Variants in ENOX2 observed in about 807,000 individuals in gnomAD.
ENOX2 encodes ecto-NOX disulfide-thiol exchanger 2, also known as APK1 antigen.
Under a neutral mutation model 45.0 loss-of-function variants are expected in ENOX2, and 36 were observed. The ratio of observed to expected loss-of-function variants is 0.80; its 90% confidence interval spans 0.61 to 1.06. The LOEUF is 1.06. Among genes scored for constraint, ENOX2 ranks in the 50% least tolerant of loss-of-function variants. The pLI is 0.00. For missense variants in ENOX2, 423 were observed against 462.5 expected (o/e 0.91, Z 0.78); for synonymous variants, 174 against 152.3 (o/e 1.14, Z -1.05).
At chrX:130,803,576 G>A (rs2077254994) in intron 2 of ENOX2, among the ~76,000 whole-genome samples, 1 of 112,059 alleles carries the variant, frequency 8.9e-6, no homozygotes, top group African/African-American at 3.2e-5. Context: ...ATTAGTGTTG[G>A]AGCAAGAAAA....
intron 4 of ENOX2, among the ~76,000 whole-genome samples, chrX:130,690,093 G>C (rs1398484920): frequency 9.0e-6 from 1 of 111,212 alleles, no homozygotes; most frequent in Admixed American, 9.6e-5. Context: ...GGGAGAAATG[G>C]GGACTCAGGT....
chrX:130,814,409 C>T (rs779339245), intron 2 of ENOX2, among the ~76,000 whole-genome samples: 1 of 112,288 alleles, frequency 8.9e-6, no homozygotes, highest in Non-Finnish European at 1.9e-5. Flanking sequence ...AGACAGACTG[C>T]CTCCTCAAGT....
At chrX:130,888,124 T>C (rs1006442395) in intron 2 of ENOX2, among the ~76,000 whole-genome samples, 3 of 111,868 alleles carry the variant, frequency 2.7e-5, no homozygotes, top group Non-Finnish European at 5.6e-5. Flanking sequence ...ACAACTTTTG[T>C]CCATATATTT....
At chrX:130,744,346 A>T (rs1195612926) in intron 3 of ENOX2, among the ~76,000 whole-genome samples, 1 of 112,142 alleles carries the variant, frequency 8.9e-6, no homozygotes, top group Non-Finnish European at 1.9e-5. Flanking sequence ...CAAAGATAGC[A>T]TTTTGAACTC....
intron 3 of ENOX2, among the ~76,000 whole-genome samples, chrX:130,769,409 G>A (rs1382051551): frequency 2.7e-5 from 3 of 111,790 alleles, no homozygotes; most frequent in Non-Finnish European, 5.6e-5. Flanking sequence ...TGCCCACATT[G>A]GCTTTTCCTG....
chrX:130,670,184 G>A lies in ENOX2; in HGVS notation c.475C>T (p.Leu159=). ...ALYLSGYRIR[L]GSSTDKKDTG... ...TCCTTCTTGTCAGTACTAGAGCCCA[G>A]GCGAATGCGGTAACCTAAGTCCACA... is the stretch of plus-strand genomic sequence containing the variant. Residue 159 remains leucine (L), a synonymous_variant, in exon 7 of 15, where the codon CTG becomes TTG. Transcript: ENST00000394363. 8.3e-7 allele frequency: 1 copy of A among 1,205,690 alleles called. No homozygotes were observed. The highest frequency in any genetic ancestry group is 1.8e-5 in the South Asian group (1 of 56,578).
intron 3 of ENOX2, among the ~76,000 whole-genome samples, chrX:130,755,475 G>C (rs1281934408): frequency 9.0e-6 from 1 of 111,383 alleles, no homozygotes; most frequent in Non-Finnish European, 1.9e-5. Flanking sequence ...TGCTCTCTGG[G>C]AAGTTTCCTT....
intron 3 of ENOX2, among the ~76,000 whole-genome samples, chrX:130,711,658 G>T (rs1603315739): frequency 9.0e-6 from 1 of 111,641 alleles, no homozygotes; most frequent in East Asian, 2.8e-4. Flanking sequence ...CAGGGTGGGA[G>T]TTGGAAGAGA....
intron 6 of ENOX2, among the ~76,000 whole-genome samples, chrX:130,672,855 G>A (rs1260988044): frequency 1.8e-5 from 2 of 111,752 alleles, no homozygotes; most frequent in Admixed American, 9.4e-5. Flanking sequence ...CCTGTCAGGG[G>A]TGCTGCCTGT....
At chrX:130,745,022 C>T (rs1173420911) in intron 3 of ENOX2, among the ~76,000 whole-genome samples, 1 of 111,510 alleles carries the variant, frequency 9.0e-6, no homozygotes, top group Non-Finnish European at 1.9e-5. Flanking sequence ...ACAGTTTCAT[C>T]CCGAGACCAT....
intron 9 of ENOX2, among the ~76,000 whole-genome samples, chrX:130,661,284 G>A (rs1195706974): frequency 9.2e-6 from 1 of 108,984 alleles, no homozygotes; most frequent in Non-Finnish European, 1.9e-5. Flanking sequence ...GACCTACTGG[G>A]CTCAAGCTAT....
At chrX:130,789,485 G>A (rs1300054683) in intron 2 of ENOX2, among the ~76,000 whole-genome samples, 2 of 111,788 alleles carry the variant, frequency 1.8e-5, no homozygotes, top group African/African-American at 3.3e-5. Context: ...TAACCCTAGC[G>A]AAAAGAAACA....
intron 2 of ENOX2, among the ~76,000 whole-genome samples, chrX:130,785,196 A>G (rs1241459120): frequency 9.2e-6 from 1 of 108,807 alleles, no homozygotes; most frequent in Non-Finnish European, 1.9e-5. Flanking sequence ...GTGGTGGCAC[A>G]TGCCTGTAAT....
At chrX:130,887,722 G>T (rs1201562660) in intron 2 of ENOX2, among the ~76,000 whole-genome samples, 3 of 111,523 alleles carry the variant, frequency 2.7e-5, no homozygotes, top group Non-Finnish European at 5.6e-5. Context: ...AATTCGTTCG[G>T]GATTTCATAC....
At chrX:130,733,510 T>C (rs1173087006) in intron 3 of ENOX2, among the ~76,000 whole-genome samples, 1 of 112,329 alleles carries the variant, frequency 8.9e-6, no homozygotes, top group Non-Finnish European at 1.9e-5. Context: ...CAAAAACTTG[T>C]ACATAAATGT....
intron 4 of ENOX2, among the ~76,000 whole-genome samples, chrX:130,696,635 G>A (rs1238607753): frequency 9.0e-6 from 1 of 111,551 alleles, no homozygotes; most frequent in Non-Finnish European, 1.9e-5. Flanking sequence ...TGCCATAAAC[G>A]GGTCCTGGCC....
chrX:130,897,929 G>C (rs1397191423), intron 2 of ENOX2, among the ~76,000 whole-genome samples: 1 of 112,312 alleles, frequency 8.9e-6, no homozygotes. Flanking sequence ...ATCCAGGCTA[G>C]AAGTGATGCA....
chrX:130,784,968 A>T (rs1343268901), intron 2 of ENOX2, among the ~76,000 whole-genome samples: 1 of 100,603 alleles, frequency 9.9e-6, no homozygotes, highest in Non-Finnish European at 2.0e-5. Flanking sequence ...ATTGTCAGTT[A>T]AAAAAAAAAA....
intron 5 of ENOX2, among the ~76,000 whole-genome samples, chrX:130,680,419 C>T (rs1050458928): frequency 2.7e-5 from 3 of 111,367 alleles, no homozygotes; most frequent in Admixed American, 9.5e-5. Context: ...ATATGAAAGA[C>T]AGCAGAGAAA....
Sources: allele counts gnomAD v4.1 joint callset (sites outside exome capture counted in the v4.1 genomes callset), GRCh38; gene constraint gnomAD v4.1.1; transcripts MANE v1.5; gene names NCBI Gene and HGNC (gene_info 2026-07-23, HGNC 2026-07-21).